Variants in MAST1 observed in about 807,000 individuals in gnomAD.
MAST1 encodes microtubule-associated serine/threonine-protein kinase 1.
In MAST1, 40 loss-of-function variants were observed where a neutral mutation model predicts 124.6. The ratio of observed to expected loss-of-function variants is 0.32; its 90% CI spans 0.25 to 0.42. The LOEUF is 0.42. Among genes scored for constraint, MAST1 ranks in the 10% least tolerant of loss-of-function variants. MAST1 has a pLI of 1.00. For missense variants in MAST1, 1,558 were observed against 2,181.9 expected, an observed-to-expected ratio of 0.71 and a Z score of 5.70; for synonymous variants, 938 against 939.4, an observed-to-expected ratio of 1.00 and a Z score of 0.03.
intron 24 of MAST1, 158 bp from the exon 25 acceptor site, chr19:12,873,166 T>G (rs1037148244): frequency 2.9e-6 from 2 of 678,840 alleles, no homozygotes; most frequent in South Asian, 1.9e-5. Context: ...CAAGCAGCAC[T>G]GAGCTAAAGG....
At chr19:12,855,523 G>T (rs1393988421) in intron 10 of MAST1, among the ~76,000 whole-genome samples, 2 of 152,128 alleles carry the variant, frequency 1.3e-5, no homozygotes, top group Admixed American at 1.3e-4. Flanking sequence ...GAGTGGGGGT[G>T]GTCCTGTGAT....
intron 7 of MAST1, among the ~76,000 whole-genome samples, chr19:12,851,228 G>A (rs866624603): frequency 3.3e-5 from 5 of 150,256 alleles, no homozygotes; most frequent in Middle Eastern, 7.1e-3. Context: ...GATTACAGGC[G>A]TGAGCCACTG....
intron 1 of MAST1, among the ~76,000 whole-genome samples, chr19:12,839,154 AC>A (rs76230179): frequency 0.65 from 92,895 of 142,390 alleles, 30,900 homozygotes; most frequent in Middle Eastern, 0.8. Context: ...TCATAACACA[AC>A]CCCCCCCCCC....
Position 12,873,909 on chromosome 19 carries a change from A to C in MAST1, c.3752A>C (p.Lys1251Thr). The C allele has an allele frequency of 6.3e-7, 1 of 1,584,236 alleles. No individual in the cohort carries two copies. The highest frequency in any genetic ancestry group is 8.5e-7 in the Non-Finnish European group (1 of 1,173,372). Reference sequence around the variant, plus strand: ...CCTCCCGTCGTGCGCCCGCGCCCCAAGAGTGCCGAGCCCCCTCGCTCGCCG... The same window carrying C: ...CCTCCCGTCGTGCGCCCGCGCCCCACGAGTGCCGAGCCCCCTCGCTCGCCG... The part of the protein sequence containing the change: ...SSPPVVRPRP[K>T]SAEPPRSPLL... Residue 1251 changes from lysine (K) to threonine (T), a missense_variant, in exon 26 of 26, where the codon AAG becomes ACG. By Grantham distance (78) the Lys-to-Thr change is moderately conservative. This residue lies in a region of MAST1 where 263 missense variants were observed against 310.9 expected (regional missense o/e 0.85). Transcript: ENST00000251472.
rs1970224721 is a variant in MAST1 at position 12,870,838 on chromosome 19, A to T, written c.3018A>T (p.Gly1006=). ...TCTTTTCCCAGCATGTGGAGGAAGG[A>T]GGCCCAGCCCAGGAGGCAGGACTCT... The part of the protein sequence containing the change: ...VHHIVWHVEE[G]GPAQEAGLCA... The change falls in exon 23 of 26, where the codon GGA becomes GGT. Residue 1006 remains glycine (G), a synonymous_variant. Coordinates refer to ENST00000251472, the MANE Select transcript of MAST1 (RefSeq NM_014975.3). The T allele has an allele frequency of 6.2e-7, 1 of 1,607,424 alleles. No individual in the cohort carries two copies. Among genetic ancestry groups the T allele is most frequent in the Non-Finnish European group, 8.5e-7 (1 of 1,176,160 alleles).
chr19:12,866,228 G>T lies in MAST1; in HGVS notation c.2029+126G>T. Reference sequence around the variant, plus strand: ...AGATGTGATGCCTAGGTGCGAAGGTGGTATTTTGGTGGGGGCGGGGCCAAG... The same window carrying T: ...AGATGTGATGCCTAGGTGCGAAGGTTGTATTTTGGTGGGGGCGGGGCCAAG... On this transcript the variant is annotated intron_variant, in intron 17 of 25. Coordinates refer to ENST00000251472, the MANE Select transcript of MAST1 (RefSeq NM_014975.3). The surrounding 1 kb of genome is among the most constrained non-coding windows in gnomAD (Gnocchi z 5.2). 1 of 1,302,906 alleles carries T rather than the reference G, an allele frequency of 7.7e-7. No homozygotes were observed. 80.7% of individuals were successfully genotyped at this position (1,302,906 alleles called of 1,614,324 possible).
chr19:12,858,844 G>A, intron 12 of MAST1, 105 bp downstream of exon 12: 1 of 1,053,440 alleles, frequency 9.5e-7, no homozygotes, highest in Middle Eastern at 2.0e-4. Context: ...TAGTCGGCCT[G>A]TATGTTTATC....
chr19:12,874,671 C>A lies in MAST1; in HGVS notation c.4514C>A (p.Pro1505Gln), dbSNP rs144944600. ...AAGCCCGCCTCCCCAAAGCTCTCCC[C>A]GGAGCCCCAGACACCCTCCCTAGCC... ...RSKPASPKLS[P>Q]EPQTPSLAPA... The change falls in exon 26 of 26, where the codon CCG becomes CAG. Residue 1505 changes from proline to glutamine, a missense_variant. Physicochemically the swap from Pro to Gln is moderately conservative, Grantham distance 76 (BLOSUM62 -1). Around this residue, in one of 10 missense-constraint regions of MAST1, gnomAD observed 168 missense variants for 154.3 expected, o/e 1.09. Transcript: ENST00000251472. The surrounding 1 kb of genome is among the most constrained non-coding windows in gnomAD (Gnocchi z 6.6). 2 of 1,542,394 alleles carry A rather than the reference C, an allele frequency of 1.3e-6. No homozygotes were observed. The highest frequency in any genetic ancestry group is 3.9e-5 in the Admixed American group (2 of 51,680).
rs368832327 is a variant in MAST1, at chr19:12,867,658, C to G, written c.2318+6C>G. ...AGAGGGGGCTCTCCGGAGATGTGAG[C>G]AGGGGAATGGCGGAGTTTGGGGGCG... On this transcript the variant is annotated splice_donor_region_variant and intron_variant, in intron 19 of 25. Coordinates refer to ENST00000251472, the MANE Select transcript of MAST1 (RefSeq NM_014975.3). 3.2e-6 allele frequency: 5 copies of G among 1,577,066 alleles called. No individual in the cohort carries two copies. The highest frequency in any genetic ancestry group is 4.3e-6 in the Non-Finnish European group (5 of 1,162,038).
rs1282956836 is a variant in MAST1, at chr19:12,838,521, G to A, written c.-52G>A. ...GCTTGCTCCCCGCGCCGCCGCCGCCGCCGCCTCCGCCGCTGCTGCCGCACC... is the reference window on the plus strand; with the variant it reads ...GCTTGCTCCCCGCGCCGCCGCCGCCACCGCCTCCGCCGCTGCTGCCGCACC... On this transcript the variant is annotated 5_prime_UTR_variant, in exon 1 of 26. Coordinates refer to ENST00000251472, the MANE Select transcript of MAST1 (RefSeq NM_014975.3). The surrounding 1 kb of genome is among the most constrained non-coding windows in gnomAD (Gnocchi z 4.3). The A allele has an allele frequency of 1.0e-5, 14 of 1,358,896 alleles. No individual in the cohort carries two copies. In the Admixed American group the frequency reaches 1.5e-4, roughly 14 times the overall value. 84.2% of individuals were successfully genotyped at this position (1,358,896 alleles called of 1,614,324 possible).
At chr19:12,864,716 G>C in intron 12 of MAST1, 93 bp from the exon 13 acceptor site, 1 of 1,518,920 alleles carries the variant, frequency 6.6e-7, no homozygotes, top group Non-Finnish European at 9.0e-7. Context: ...TCTATAAAAC[G>C]GGTACAACAT....
Position 12,865,310 on chromosome 19 carries a change from C to T in MAST1, c.1639-6C>T, listed in dbSNP as rs778870172. ...GCTGGGGCGTGGGCTGACAGCCTGCCCCCAGGTGTGTGGGACCCCAGAGTA... is the reference window on the plus strand; with the variant it reads ...GCTGGGGCGTGGGCTGACAGCCTGCTCCCAGGTGTGTGGGACCCCAGAGTA... On this transcript the variant is annotated splice_region_variant and splice_polypyrimidine_tract_variant and intron_variant, in intron 14 of 25. Coordinates refer to ENST00000251472, the MANE Select transcript of MAST1 (RefSeq NM_014975.3). This position sits in a 1 kb window ranked among gnomAD's most constrained non-coding sequence, Gnocchi z 7.1. 2.5e-6 allele frequency: 4 copies of T among 1,586,208 alleles called. No homozygotes were observed. The Admixed American group carries it at 7.0e-5, about 28-fold the overall frequency.
chr19:12,858,734 T>A lies in MAST1; in HGVS notation c.1361T>A (p.Val454Glu). The stretch of plus-strand genomic sequence containing the variant: ...CACCTCTGCATGGTCATGGAATATG[T>A]GGAAGGTGTGGCTGCCTGCGGGGCT... ...RRHLCMVMEY[V>E]EGGDCATLLK... The change falls in exon 12 of 26, where the codon GTG (valine) becomes GAG (glutamate). Residue 454 changes from valine to glutamate, a missense_variant. Transcript: ENST00000251472. 1 of 1,614,098 alleles carries A rather than the reference T, an allele frequency of 6.2e-7. No individual in the cohort carries two copies. Among genetic ancestry groups the A allele is most frequent in the Non-Finnish European group, 8.5e-7 (1 of 1,180,008 alleles).
chr19:12,863,924 CTTTT>C (rs3064382), intron 12 of MAST1, among the ~76,000 whole-genome samples: 2 of 132,006 alleles, frequency 1.5e-5, no homozygotes, highest in African/African-American at 2.8e-5. Context: ...CTACAAAAAA[CTTTT>C]TTTTTTTTTT....
chr19:12,873,926 C>A lies in MAST1; in HGVS notation c.3769C>A (p.Arg1257Ser), dbSNP rs754090420. The A allele has an allele frequency of 6.3e-7, 1 of 1,587,860 alleles. No homozygotes were observed. The highest frequency in any genetic ancestry group is 8.5e-7 in the Non-Finnish European group (1 of 1,174,932). The change falls in exon 26 of 26, where the codon CGC (arginine) becomes AGC (serine). Residue 1257 changes from arginine to serine, a missense_variant. By Grantham distance (110) the Arg-to-Ser change is moderately radical. Transcript: ENST00000251472. ...GCGCCCCAAGAGTGCCGAGCCCCCTCGCTCGCCGCTCCTCAAGCGCGTGCA... is the reference window on the plus strand; with the variant it reads ...GCGCCCCAAGAGTGCCGAGCCCCCTAGCTCGCCGCTCCTCAAGCGCGTGCA... ...RPRPKSAEPP[R>S]SPLLKRVQSA...
At chr19:12,869,039 T>TA in intron 21 of MAST1, 27 bp from the exon 22 acceptor site, 1 of 1,608,624 alleles carries the variant, frequency 6.2e-7, no homozygotes, top group Non-Finnish European at 8.5e-7. Context: ...TTGGTTCTGA[T>TA]TTCTGACCAT....
intron 7 of MAST1, among the ~76,000 whole-genome samples, chr19:12,850,699 T>C (rs1368134449): frequency 6.6e-6 from 1 of 152,084 alleles, no homozygotes; most frequent in East Asian, 1.9e-4. Context: ...GCACAGCCTG[T>C]TGGATTCTGT....
intron 10 of MAST1, among the ~76,000 whole-genome samples, chr19:12,856,257 CA>C (rs1291128993): frequency 6.6e-6 from 1 of 151,288 alleles, no homozygotes; most frequent in Non-Finnish European, 1.5e-5. Context: ...CTTTTTTCCC[CA>C]TTGCCCTATA....
intron 10 of MAST1, among the ~76,000 whole-genome samples, chr19:12,857,127 A>G (rs1217363881): frequency 6.6e-6 from 1 of 151,974 alleles, no homozygotes; most frequent in Non-Finnish European, 1.5e-5. Context: ...CTTGTTGCCC[A>G]GGCTGGAGTG....
Sources: allele counts gnomAD v4.1 joint callset (sites outside exome capture counted in the v4.1 genomes callset), GRCh38; gene constraint gnomAD v4.1.1; regional missense constraint gnomAD v4.1.1; non-coding constraint Gnocchi (gnomAD v3.1); transcripts MANE v1.5; gene names NCBI Gene and HGNC (gene_info 2026-07-23, HGNC 2026-07-21).